The following TPR variants were observed in gnomAD, a reference collection of about 807,000 sequenced individuals.
TPR encodes nucleoprotein TPR.
TPR carries 51 observed loss-of-function variants against 316.1 expected under a neutral mutation model. That is an observed-to-expected ratio of 0.16 (90% confidence interval 0.13 to 0.20). The LOEUF (loss-of-function observed/expected upper bound fraction) is 0.20. TPR is among the 10% of genes least tolerant of loss of function. TPR has a pLI of 1.00. For synonymous variants in TPR, 981 were observed against 914.7 expected (o/e 1.07, Z -1.31); for missense variants, 2,272 against 2,754.8 (o/e 0.82, Z 3.92).
intron 25 of TPR, 127 bp downstream of exon 25, chr1:186,344,248 C>A: frequency 3.0e-6 from 4 of 1,350,426 alleles, no homozygotes; most frequent in Non-Finnish European, 4.0e-6. Context: ...TGCAGTGACC[C>A]CAATATCACG....
Position 186,333,212 on chromosome 1 carries a change from C to A in TPR, c.5365G>T (p.Ala1789Ser), listed in dbSNP as rs1162650563. 2 of 1,613,622 alleles carry A rather than the reference C, an allele frequency of 1.2e-6. No individual in the cohort carries two copies. The highest frequency in any genetic ancestry group is 2.2e-5 in the East Asian group (1 of 44,868). ...ATGTTTGAAGATAACTCTTGATTGG[C>A]AGGCTCAATCTGAGGATGACTCTGT... ...TQQSHPQIEP[A>S]NQELSSNIVE... Residue 1789 changes from alanine (A) to serine (S), a missense_variant, in exon 37 of 51, where the codon GCC becomes TCC. Ala to Ser is a moderately conservative substitution (Grantham distance 99). Around this residue, in one of 10 missense-constraint regions of TPR, gnomAD observed 435 missense variants for 461.1 expected, o/e 0.94. Coordinates refer to ENST00000367478, the MANE Select transcript of TPR (RefSeq NM_003292.3).
intron 39 of TPR, among the ~76,000 whole-genome samples, chr1:186,331,087 T>G (rs1416704482): frequency 6.6e-6 from 1 of 152,036 alleles, no homozygotes; most frequent in Admixed American, 6.6e-5. Flanking sequence ...TGAAGAGGTA[T>G]ATAAATGCAT....
At chr1:186,360,243 G>A in intron 11 of TPR, 30 bp downstream of exon 11, 1 of 1,594,360 alleles carries the variant, frequency 6.3e-7, no homozygotes, top group South Asian at 1.1e-5. Flanking sequence ...TGAAGAAAAA[G>A]AATTTAACAA....
At chr1:186,338,908 A>G (rs1658417773) in intron 30 of TPR, among the ~76,000 whole-genome samples, 2 of 152,318 alleles carry the variant, frequency 1.3e-5, no homozygotes, top group Middle Eastern at 3.4e-3. Context: ...AGATTAAAAT[A>G]TAACTCTCCT....
chr1:186,343,268 T>C, intron 27 of TPR, 58 bp downstream of exon 27: 3 of 1,559,992 alleles, frequency 1.9e-6, no homozygotes, highest in Non-Finnish European at 2.6e-6. Context: ...GGTAGAGATA[T>C]AAATGAGTGC....
chr1:186,348,190 A>C (rs1432430911), intron 21 of TPR, among the ~76,000 whole-genome samples: 1 of 152,186 alleles, frequency 6.6e-6, no homozygotes, highest in African/African-American at 2.4e-5. Context: ...ATATCGCTAA[A>C]TTCTTTTCCT....
rs1405255583 is a variant in TPR at position 186,362,884 on chromosome 1, T to C, written c.649A>G (p.Asn217Asp). The change falls in exon 6 of 51, where the codon AAT becomes GAT. Residue 217 changes from asparagine to aspartate, a missense_variant. Coordinates refer to ENST00000367478, the MANE Select transcript of TPR (RefSeq NM_003292.3). ...ELLALGREKG[N>D]EILELKCNLE... ...TTACATTTAAGCTCTAGAATCTCAT[T>C]CCCTTTTTCTCTTCCAAGAGCCAGA... is the stretch of plus-strand genomic sequence containing the variant. 1.4e-5 allele frequency: 23 copies of C among 1,609,256 alleles called. No homozygotes were observed. Among genetic ancestry groups the C allele is most frequent in the Non-Finnish European group, 1.9e-5 (22 of 1,178,448 alleles).
chr1:186,346,385 A>G, intron 22 of TPR, 98 bp from the exon 23 acceptor site: 1 of 1,241,652 alleles, frequency 8.1e-7, no homozygotes. Flanking sequence ...AAGTAATAAA[A>G]TTAATGTTTG....
rs1006060169 is a variant in TPR at position 186,355,469 on chromosome 1, A to T, written c.2112T>A (p.Val704=). The change falls in exon 17 of 51, where the codon GTT becomes GTA. Residue 704 remains valine, a synonymous_variant. Transcript: ENST00000367478. Reference sequence around the variant, plus strand: ...TGGTATTTTGTGATCGCAAATCTGTAACTTGTTCTTGAAGTTTCTCAAGCT... The same window carrying T: ...TGGTATTTTGTGATCGCAAATCTGTTACTTGTTCTTGAAGTTTCTCAAGCT... ...NEQLEKLQEQ[V]TDLRSQNTKI... is the part of the protein sequence containing the mutation. The T allele has an allele frequency of 5.0e-6, 8 of 1,612,830 alleles. No individual in the cohort carries two copies. Among genetic ancestry groups the T allele is most frequent in the Admixed American group, 1.7e-5 (1 of 59,784 alleles).
chr1:186,366,618 A>G (rs1659352449), intron 4 of TPR, among the ~76,000 whole-genome samples: 1 of 152,174 alleles, frequency 6.6e-6, no homozygotes, highest in African/African-American at 2.4e-5. Flanking sequence ...TTAATTACAA[A>G]TTCAATTTCT....
intron 48 of TPR, 41 bp from the exon 49 acceptor site, chr1:186,317,641 C>CA (rs775425803): frequency 7.7e-5 from 119 of 1,553,700 alleles, no homozygotes; most frequent in Middle Eastern, 7.2e-4. Context: ...ACTGATCCTA[C>CA]AGTCAATCAT....
chr1:186,325,216 C>T (rs1657884967), intron 42 of TPR, among the ~76,000 whole-genome samples: 1 of 152,128 alleles, frequency 6.6e-6, no homozygotes, highest in Admixed American at 6.5e-5. Flanking sequence ...ACCAGATAAT[C>T]ACTAATTATT....
At chr1:186,357,716 T>C (rs549875813) in intron 13 of TPR, 93 bp from the exon 14 acceptor site, 7 of 1,088,784 alleles carry the variant, frequency 6.4e-6, no homozygotes, top group South Asian at 1.6e-5. Context: ...ACATTACTTA[T>C]AAAACCTTCA....
At chr1:186,341,828 A>AT (rs1231072469) in intron 27 of TPR, 1 of 160,358 alleles carries the variant, frequency 6.2e-6, no homozygotes, top group Non-Finnish European at 1.4e-5. Flanking sequence ...TCTGTGAAGA[A>AT]TTTTTTCCTT....
intron 27 of TPR, chr1:186,342,636 C>G (rs912004189): frequency 3.3e-5 from 5 of 151,758 alleles, no homozygotes; most frequent in Non-Finnish European, 7.4e-5. Flanking sequence ...TTCTTCTTAA[C>G]AGTCATTTTG....
At chr1:186,367,345 G>T (rs111419308) in intron 4 of TPR, among the ~76,000 whole-genome samples, 1 of 152,014 alleles carries the variant, frequency 6.6e-6, no homozygotes, top group South Asian at 2.1e-4. Context: ...GATTACAGGC[G>T]TCAGCCACCG....
At position 186,320,376 on chromosome 1, in the gene TPR, T is replaced by C. The variant is rs749813474; in HGVS notation, c.6504A>G (p.Pro2168=). Residue 2168 remains proline (P), a synonymous_variant, in exon 46 of 51, where the codon CCA becomes CCG. Coordinates refer to ENST00000367478, the MANE Select transcript of TPR (RefSeq NM_003292.3). ...VAGVPRFRFG[P]PEDMPQTSSS... is the part of the protein sequence containing the mutation. ...AACTTGTTTGTGGCATATCTTCAGGTGGCCCAAACCGGAATCTAGGGACAC... is the reference window on the plus strand; with the variant it reads ...AACTTGTTTGTGGCATATCTTCAGGCGGCCCAAACCGGAATCTAGGGACAC... The C allele has an allele frequency of 1.2e-6, 2 of 1,613,128 alleles. No homozygotes were observed. The highest frequency in any genetic ancestry group is 1.7e-6 in the Non-Finnish European group (2 of 1,179,420).
rs199819433 is a variant in TPR, at chr1:186,319,768, G to C, written c.6568+544C>G. ...ATGAATTCCAACTGAGGATTAAAAG[G>C]TAATCAATTCCACAAACAGCATAAT... On this transcript the variant is annotated intron_variant, in intron 46 of 50. Coordinates refer to ENST00000367478, the MANE Select transcript of TPR (RefSeq NM_003292.3). 3.9e-5 allele frequency among the ~76,000 whole-genome samples: 6 copies of C among 152,168 alleles called. No individual in the cohort carries two copies. In the East Asian group the frequency reaches 1.2e-3, roughly 29 times the overall value.
chr1:186,327,793 T>C, intron 39 of TPR, 133 bp from the exon 40 acceptor site: 2 of 824,366 alleles, frequency 2.4e-6, no homozygotes, highest in Non-Finnish European at 3.7e-6. Context: ...ATTTAATTTT[T>C]TTTTTTTGAG....
Sources: allele counts gnomAD v4.1 joint callset (sites outside exome capture counted in the v4.1 genomes callset), GRCh38; gene constraint gnomAD v4.1.1; regional missense constraint gnomAD v4.1.1; transcripts MANE v1.5; gene names NCBI Gene and HGNC (gene_info 2026-07-23, HGNC 2026-07-21).